Variants in ANK3 observed in about 807,000 individuals in gnomAD.
ANK3 encodes ankyrin 3, also known as ankyrin-3.
Under a neutral mutation model 370.9 loss-of-function variants are expected in ANK3, and 57 were observed. The observed-to-expected ratio is 0.15, with a 90% confidence interval of 0.12 to 0.19. The LOEUF (loss-of-function observed/expected upper bound fraction) is 0.19. Ranked by LOEUF, ANK3 falls within the 10% of genes least tolerant of loss-of-function variation. The pLI is 1.00. For missense variants in ANK3, 4,439 were observed against 5,302.1 expected, an observed-to-expected ratio of 0.84 and a Z score of 5.06; for synonymous variants, 1,929 against 1,946.3, an observed-to-expected ratio of 0.99 and a Z score of 0.23.
intron 2 of ANK3, among the ~76,000 whole-genome samples, chr10:60,417,888 T>C (rs1041828834): frequency 5.9e-5 from 9 of 152,140 alleles, no homozygotes; most frequent in Admixed American, 3.9e-4. Context: ...AAATAAAACA[T>C]TTATTAATCA....
Position 60,134,461 on chromosome 10 carries a change from G to A in ANK3, c.2739-88C>T, listed in dbSNP as rs2094239765. On this transcript the variant is annotated intron_variant, in intron 24 of 43. Coordinates refer to ENST00000280772, the MANE Select transcript of ANK3 (RefSeq NM_020987.5). ...TTAATGCATGCAACTTTAAGAACAG[G>A]CAAGATGGCTAAAAATATCAACAAA... The A allele has an allele frequency of 5.6e-6, 5 of 895,930 alleles. No homozygotes were observed. The Admixed American group carries it at 8.9e-5, about 16-fold the overall frequency. The allele number at this position is 895,930 out of a possible 1,614,324, so 55.5% of individuals were successfully genotyped here.
intron 1 of ANK3, among the ~76,000 whole-genome samples, chr10:60,317,436 C>G (rs978200514): frequency 6.6e-6 from 1 of 152,052 alleles, no homozygotes. Context: ...TACTTGGATG[C>G]CTTTTTAAAC....
chr10:60,415,411 G>A (rs748237967), intron 2 of ANK3, among the ~76,000 whole-genome samples: 75 of 152,176 alleles, frequency 4.9e-4, no homozygotes, highest in Admixed American at 9.8e-4. Flanking sequence ...AATGACCAGC[G>A]GGAACTACTG....
chr10:60,382,880 T>A (rs2061737630), intron 1 of ANK3, among the ~76,000 whole-genome samples: 1 of 150,812 alleles, frequency 6.6e-6, no homozygotes, highest in Non-Finnish European at 1.5e-5. Context: ...AAATTTTAAA[T>A]GCAGAAGTAC....
At chr10:60,513,017 C>A (rs1433976770) in intron 2 of ANK3, among the ~76,000 whole-genome samples, 2 of 152,128 alleles carry the variant, frequency 1.3e-5, no homozygotes, top group African/African-American at 4.8e-5. Flanking sequence ...GTTAAAAACA[C>A]AGCTGTGTCT....
chr10:60,598,818 A>T (rs756265094), intron 2 of ANK3, among the ~76,000 whole-genome samples: 1 of 152,244 alleles, frequency 6.6e-6, no homozygotes, highest in African/African-American at 2.4e-5. Flanking sequence ...TACTAAAATG[A>T]GAATTCCCTG....
chr10:60,157,886 A>AAGAGAGAGAGAGAGAG (rs59965251), intron 23 of ANK3, among the ~76,000 whole-genome samples: 1 of 132,860 alleles, frequency 7.5e-6, no homozygotes, highest in African/African-American at 2.8e-5. Flanking sequence ...GAGAGAGAAA[A>AAGAGAGAGAGAGAGAG]AGAGAGAGAG....
chr10:60,322,043 T>C (rs1180935338), intron 1 of ANK3, among the ~76,000 whole-genome samples: 2 of 152,192 alleles, frequency 1.3e-5, no homozygotes, highest in African/African-American at 2.4e-5. Flanking sequence ...GTGATAAACC[T>C]TGAGTATCTA....
At chr10:60,562,616 T>C (rs2077364655) in intron 2 of ANK3, among the ~76,000 whole-genome samples, 1 of 152,186 alleles carries the variant, frequency 6.6e-6, no homozygotes. Context: ...GGTTTCACCA[T>C]GGTTTAAATA....
intron 2 of ANK3, among the ~76,000 whole-genome samples, chr10:60,501,705 CAAAA>C (rs376934079): frequency 1.3e-4 from 10 of 79,808 alleles, no homozygotes; most frequent in South Asian, 5.0e-4. Context: ...GACTCTGTCT[CAAAA>C]AAAAAAAAAA....
chr10:60,578,980 A>G (rs1293248250), intron 2 of ANK3, among the ~76,000 whole-genome samples: 1 of 152,168 alleles, frequency 6.6e-6, no homozygotes, highest in African/African-American at 2.4e-5. Flanking sequence ...AATTGTTGGC[A>G]TAGATGCCTG....
At chr10:60,052,557 G>A (rs1238625370) in intron 42 of ANK3, among the ~76,000 whole-genome samples, 1 of 152,056 alleles carries the variant, frequency 6.6e-6, no homozygotes, top group Non-Finnish European at 1.5e-5. Flanking sequence ...TATAGTTGCT[G>A]CACAAAATAT....
At chr10:60,450,258 C>T (rs1424235309) in intron 2 of ANK3, among the ~76,000 whole-genome samples, 1 of 152,158 alleles carries the variant, frequency 6.6e-6, no homozygotes, top group Non-Finnish European at 1.5e-5. Context: ...TACACCACCG[C>T]ACTCCAGCTA....
chr10:60,634,453 T>C (rs2078524844), intron 1 of ANK3, among the ~76,000 whole-genome samples: 1 of 151,916 alleles, frequency 6.6e-6, no homozygotes, highest in South Asian at 2.1e-4. Flanking sequence ...AGCTAAAGGA[T>C]TGTAAACGGA....
At chr10:60,174,733 C>A (rs1395761602) in intron 18 of ANK3, among the ~76,000 whole-genome samples, 1 of 152,044 alleles carries the variant, frequency 6.6e-6, no homozygotes, top group Non-Finnish European at 1.5e-5. Context: ...ATAGTTGAGA[C>A]AGGGTTGTTT....
intron 1 of ANK3, among the ~76,000 whole-genome samples, chr10:60,353,061 GCATTCTCCACCTCCC>G (rs2057148246): frequency 6.6e-6 from 1 of 151,926 alleles, no homozygotes; most frequent in South Asian, 2.1e-4. Flanking sequence ...TCGGCTCACT[GCATTCTCCACCTCCC>G]CAGCTCAGGC....
intron 1 of ANK3, among the ~76,000 whole-genome samples, chr10:60,701,334 T>C (rs927473955): frequency 6.6e-6 from 1 of 152,110 alleles, no homozygotes; most frequent in Non-Finnish European, 1.5e-5. Flanking sequence ...TTGGCAATAT[T>C]TGAAGGAGTG....
chr10:60,291,110 G>A (rs2041275734), intron 1 of ANK3, among the ~76,000 whole-genome samples: 1 of 152,070 alleles, frequency 6.6e-6, no homozygotes, highest in Non-Finnish European at 1.5e-5. Flanking sequence ...TTTCCCATGG[G>A]AGGAAAAACA....
intron 1 of ANK3, among the ~76,000 whole-genome samples, chr10:60,374,875 A>G: frequency 6.6e-6 from 1 of 152,216 alleles, no homozygotes; most frequent in South Asian, 2.1e-4. Flanking sequence ...ATATTTATTG[A>G]AGTGGACATA....
Sources: allele counts gnomAD v4.1 joint callset (sites outside exome capture counted in the v4.1 genomes callset), GRCh38; gene constraint gnomAD v4.1.1; transcripts MANE v1.5; gene names NCBI Gene and HGNC (gene_info 2026-07-23, HGNC 2026-07-21).